The following SGCZ variants were observed in gnomAD, a reference collection of about 807,000 sequenced individuals.
SGCZ encodes the protein zeta-sarcoglycan.
A neutral mutation model predicts 41.3 loss-of-function variants in SGCZ; 40 were observed. The observed-to-expected ratio is 0.97, with a 90% confidence interval of 0.75 to 1.26. The LOEUF (loss-of-function observed/expected upper bound fraction) is 1.26. Ranked by LOEUF, SGCZ falls within the 50% of genes most tolerant of loss-of-function variation. The probability of loss-of-function intolerance (pLI) is 0.00; values close to 1 mark genes in which losing one functional copy is unlikely to be tolerated. For missense variants in SGCZ, 552 were observed against 369.8 expected (o/e 1.49, Z -4.04); for synonymous variants, 206 against 137.5 (o/e 1.50, Z -3.49).
intron 1 of SGCZ, among the ~76,000 whole-genome samples, chr8:15,048,254 A>G (rs1257278830): frequency 6.6e-6 from 1 of 152,088 alleles, no homozygotes; most frequent in Non-Finnish European, 1.5e-5. Flanking sequence ...ACATGTTCTT[A>G]GCCATATGTG....
chr8:15,112,462 G>A (rs17120932), intron 1 of SGCZ, among the ~76,000 whole-genome samples: 9,064 of 152,282 alleles, frequency 0.06, 279 homozygotes, highest in Middle Eastern at 0.12. Flanking sequence ...TTATGCTTTA[G>A]TTTGCAGTGG....
intron 3 of SGCZ, among the ~76,000 whole-genome samples, chr8:14,278,270 A>G (rs761508172): frequency 6.6e-6 from 1 of 152,170 alleles, no homozygotes; most frequent in Non-Finnish European, 1.5e-5. Context: ...CACATTTGTG[A>G]GACCTCTATG....
intron 1 of SGCZ, among the ~76,000 whole-genome samples, chr8:15,164,076 T>C (rs186034488): frequency 1.6e-4 from 25 of 152,326 alleles, no homozygotes; most frequent in Non-Finnish European, 3.2e-4. Flanking sequence ...CTTTTCTATC[T>C]TTTCACCTAA....
At chr8:14,177,968 T>TTTTCTTTTTTTTTTC in intron 4 of SGCZ, among the ~76,000 whole-genome samples, 1 of 140,128 alleles carries the variant, frequency 7.1e-6, no homozygotes, top group African/African-American at 2.6e-5. Flanking sequence ...CTTTTTTTTT[T>TTTTCTTTTTTTTTTC]TTTTTTTGAG....
chr8:14,667,617 G>A (rs1190179629), intron 1 of SGCZ, among the ~76,000 whole-genome samples: 1 of 152,118 alleles, frequency 6.6e-6, no homozygotes, highest in East Asian at 1.9e-4. Context: ...GGATTTATGT[G>A]CTGTTTATAC....
intron 1 of SGCZ, among the ~76,000 whole-genome samples, chr8:15,234,621 A>T (rs1348264138): frequency 1.3e-5 from 2 of 152,176 alleles, no homozygotes; most frequent in African/African-American, 4.8e-5. Context: ...TAACATGCAT[A>T]TTGTTTAGTT....
intron 1 of SGCZ, among the ~76,000 whole-genome samples, chr8:14,600,456 G>C (rs1210458990): frequency 6.6e-6 from 1 of 152,132 alleles, no homozygotes; most frequent in African/African-American, 2.4e-5. Flanking sequence ...AGAGGGGAGA[G>C]GACTGGAATC....
At chr8:14,399,332 T>C (rs1008299049) in intron 2 of SGCZ, among the ~76,000 whole-genome samples, 5 of 152,158 alleles carry the variant, frequency 3.3e-5, no homozygotes, top group Admixed American at 6.6e-5. Flanking sequence ...CCAGTTTTCA[T>C]CTTACCAGTA....
intron 1 of SGCZ, among the ~76,000 whole-genome samples, chr8:14,759,422 G>A (rs1003486413): frequency 6.6e-6 from 1 of 151,968 alleles, no homozygotes; most frequent in African/African-American, 2.4e-5. Context: ...TTCCATTGTA[G>A]GTAGTCTCAA....
chr8:14,153,382 C>G (rs1329527817), intron 5 of SGCZ, among the ~76,000 whole-genome samples: 1 of 152,130 alleles, frequency 6.6e-6, no homozygotes, highest in Non-Finnish European at 1.5e-5. Flanking sequence ...AGAGTGAGCT[C>G]CAGCCTACCT....
chr8:14,293,323 C>T (rs1456070023), intron 3 of SGCZ, among the ~76,000 whole-genome samples: 1 of 151,966 alleles, frequency 6.6e-6, no homozygotes, highest in East Asian at 1.9e-4. Context: ...TTTCTTTTTG[C>T]TTTTCATCTG....
At chr8:14,694,184 G>A (rs1359192477) in intron 1 of SGCZ, among the ~76,000 whole-genome samples, 1 of 152,094 alleles carries the variant, frequency 6.6e-6, no homozygotes, top group African/African-American at 2.4e-5. Context: ...CAGGGCAAAG[G>A]CAACCTTCCT....
chr8:14,511,190 T>C (rs1028779492), intron 2 of SGCZ, among the ~76,000 whole-genome samples: 1 of 135,104 alleles, frequency 7.4e-6, no homozygotes, highest in Non-Finnish European at 1.6e-5. Flanking sequence ...CTTGACTATA[T>C]AAAACTACGA....
At chr8:15,097,838 GTGTGTA>G (rs1806419925) in intron 1 of SGCZ, among the ~76,000 whole-genome samples, 3 of 6,076 alleles carry the variant, frequency 4.9e-4, no homozygotes, top group Non-Finnish European at 8.4e-4. Context: ...ATATATACGT[GTGTGTA>G]TATATATATA....
intron 3 of SGCZ, among the ~76,000 whole-genome samples, chr8:14,305,040 T>G (rs1585341515): frequency 6.6e-6 from 1 of 152,294 alleles, no homozygotes; most frequent in East Asian, 1.9e-4. Flanking sequence ...GTAAACAGCA[T>G]ACATGGGGCA....
At chr8:14,463,821 A>G (rs1020848409) in intron 2 of SGCZ, among the ~76,000 whole-genome samples, 8 of 151,474 alleles carry the variant, frequency 5.3e-5, no homozygotes, top group Non-Finnish European at 1.0e-4. Flanking sequence ...GTTTTTTATT[A>G]TGACAGTGTG....
Position 14,697,653 on chromosome 8 carries a change from A to G in SGCZ, c.40-142727T>C, listed in dbSNP as rs796655713. The stretch of plus-strand genomic sequence containing the variant: ...AAACATGCCAATAAACCTATCTAGA[A>G]CATGCTTGAGAATTTCCTCACCTTC... On this transcript the variant is annotated intron_variant, in intron 1 of 7. Transcript: ENST00000382080. 9.9e-5 allele frequency among the ~76,000 whole-genome samples: 15 copies of G among 152,084 alleles called. 1 individual carries two copies. Among genetic ancestry groups the G allele is most frequent in the African/African-American group, 3.6e-4 (15 of 41,538 alleles).
chr8:15,192,441 T>A lies in SGCZ; in HGVS notation c.39+45144A>T, dbSNP rs150661965. Among the ~76,000 whole-genome samples, 257 of 152,256 alleles carry A rather than the reference T, an allele frequency of 1.7e-3. 2 individuals are homozygous for A. The Middle Eastern group carries it at 0.027, about 16-fold the overall frequency. On this transcript the variant is annotated intron_variant, in intron 1 of 7. Transcript: ENST00000382080. ...AGTACATCAAAGATGCTACAAAAAA[T>A]TTTTGAAAAAAGAAACACATCAATC...
chr8:14,551,598 T>A (rs71514476), intron 2 of SGCZ, among the ~76,000 whole-genome samples: 17,202 of 25,852 alleles, frequency 0.67, 6,206 homozygotes, highest in Non-Finnish European at 0.75. Context: ...TAATATATAT[T>A]ATATATATTA....
Sources: gnomAD v4.1 joint callset for allele counts (sites outside exome capture counted in the v4.1 genomes callset) on GRCh38, gnomAD v4.1.1 for gene constraint, MANE v1.5 for transcripts, NCBI Gene and HGNC (gene_info 2026-07-23, HGNC 2026-07-21) for gene names.